SLC6A16: variants seen among roughly 807,000 people sequenced by gnomAD.
The protein encoded by SLC6A16 is orphan sodium- and chloride-dependent neurotransmitter transporter NTT5.
Under a neutral mutation model 65.4 loss-of-function variants are expected in SLC6A16, and 54 were observed. That is an observed-to-expected ratio of 0.83 (90% confidence interval 0.66 to 1.04). The LOEUF is 1.04. Among genes scored for constraint, SLC6A16 ranks in the 50% least tolerant of loss-of-function variants. The pLI, the probability that SLC6A16 is intolerant of heterozygous loss-of-function variation, is 0.00. For missense variants in SLC6A16, 816 were observed against 914.0 expected (o/e 0.89, Z 1.38); for synonymous variants, 330 against 346.5 (o/e 0.95, Z 0.53).
chr19:49,330,390 G>A, the SLC6A16 span, among the ~76,000 whole-genome samples: 14 of 152,174 alleles, frequency 9.2e-5, no homozygotes, highest in Non-Finnish European at 2.1e-4. Context: ...CAGTATTGTA[G>A]ATTGCGATGA....
At chr19:49,312,359 C>G (rs1381817347) in intron 1 of SLC6A16, among the ~76,000 whole-genome samples, 1 of 152,154 alleles carries the variant, frequency 6.6e-6, no homozygotes, top group African/African-American at 2.4e-5. Flanking sequence ...GATGCCTTCC[C>G]TGTCCACCTA....
At chr19:49,323,459 T>A (rs1483278524) in intron 1 of SLC6A16, among the ~76,000 whole-genome samples, 1 of 152,140 alleles carries the variant, frequency 6.6e-6, no homozygotes, top group Non-Finnish European at 1.5e-5. Context: ...GAAAATCATA[T>A]GTATAATAAG....
the SLC6A16 span, among the ~76,000 whole-genome samples, chr19:49,331,439 C>A: frequency 6.6e-6 from 1 of 152,146 alleles, no homozygotes. Context: ...GCCTCAGCCT[C>A]CCAAAGTGCT....
the SLC6A16 span, chr19:49,335,713 G>A: frequency 1.2e-6 from 2 of 1,613,914 alleles, no homozygotes; most frequent in Non-Finnish European, 1.7e-6. This position sits in a 1 kb window ranked among gnomAD's most constrained non-coding sequence, Gnocchi z 4.6. Context: ...CCTCTCCCCA[G>A]GTCCTCGGCA....
At chr19:49,307,173 C>T (rs749714968) in intron 7 of SLC6A16, among the ~76,000 whole-genome samples, 2 of 150,260 alleles carry the variant, frequency 1.3e-5, no homozygotes, top group Non-Finnish European at 2.9e-5. Flanking sequence ...CCACTGCTCC[C>T]GGCCTTGTTT....
At chr19:49,340,323 C>A in the SLC6A16 span, 8 of 1,611,072 alleles carry the variant, frequency 5.0e-6, no homozygotes, top group Non-Finnish European at 5.9e-6. Flanking sequence ...CGCTCGATAC[C>A]GTTAGGCCCC....
At chr19:49,331,440 C>G in the SLC6A16 span, among the ~76,000 whole-genome samples, 1 of 152,128 alleles carries the variant, frequency 6.6e-6, no homozygotes, top group Non-Finnish European at 1.5e-5. Context: ...CCTCAGCCTC[C>G]CAAAGTGCTG....
In SLC6A16 at chr19:49,311,245, T is replaced by C. The variant is rs777184793; in HGVS notation, c.103A>G (p.Lys35Glu). The C allele has an allele frequency of 1.2e-6, 2 of 1,614,100 alleles. No individual in the cohort carries two copies. Among genetic ancestry groups the C allele is most frequent in the Non-Finnish European group, 1.7e-6 (2 of 1,180,008 alleles). ...SVPGSQTWED[K>E]GSLTRSATSW... ...GTTGCAGACCGGGTCAATGAACCCT[T>C]GTCTTCCCACGTTTGACTTCCTGGG... is the stretch of plus-strand genomic sequence containing the variant. The change falls in exon 2 of 12, where the codon AAG becomes GAG. Residue 35 changes from lysine (K) to glutamate (E), a missense_variant. By Grantham distance (56) the Lys-to-Glu change is moderately conservative (BLOSUM62 1). Coordinates refer to ENST00000335875, the MANE Select transcript of SLC6A16 (RefSeq NM_014037.3).
upstream of SLC6A16, among the ~76,000 whole-genome samples, chr19:49,329,989 C>T (rs1033816461): frequency 8.6e-5 from 13 of 151,812 alleles, no homozygotes; most frequent in African/African-American, 3.1e-4. Context: ...TGTGGTGGCA[C>T]GCATCTGTTG....
chr19:49,299,577 T>C (rs1179765010), intron 7 of SLC6A16, among the ~76,000 whole-genome samples: 5 of 96,206 alleles, frequency 5.2e-5, no homozygotes, highest in Non-Finnish European at 1.1e-4. Flanking sequence ...AGCTGAAAGA[T>C]AGTAGGCTAT....
chr19:49,309,991 T>C (rs1272051088), intron 4 of SLC6A16, 49 bp downstream of exon 4: 8 of 1,592,902 alleles, frequency 5.0e-6, no homozygotes, highest in South Asian at 1.1e-5. Context: ...TCCCTTCTAC[T>C]TCTACTTCTC....
the SLC6A16 span, chr19:49,335,797 C>A: frequency 4.9e-6 from 7 of 1,417,678 alleles, no homozygotes; most frequent in Non-Finnish European, 7.0e-6. The surrounding 1 kb of genome is among the most constrained non-coding windows in gnomAD (Gnocchi z 4.6). Context: ...GTGAGGGGGG[C>A]TGGGGCAGGT....
intron 7 of SLC6A16, among the ~76,000 whole-genome samples, chr19:49,305,263 C>T (rs1970361656): frequency 6.6e-6 from 1 of 152,190 alleles, no homozygotes; most frequent in Non-Finnish European, 1.5e-5. Flanking sequence ...CAACTGACTA[C>T]AAACAGGAGT....
chr19:49,320,170 A>AG (rs1216385689), intron 1 of SLC6A16, among the ~76,000 whole-genome samples: 1 of 152,162 alleles, frequency 6.6e-6, no homozygotes, highest in Non-Finnish European at 1.5e-5. Flanking sequence ...GCACTTTGGG[A>AG]GGCTGAGGTG....
In SLC6A16 at chr19:49,292,917, G is replaced by C. The variant is rs371900664; in HGVS notation, c.1778+306C>G. Among the ~76,000 whole-genome samples, 1 of 152,176 alleles carries C rather than the reference G, an allele frequency of 6.6e-6. No homozygotes were observed. Among genetic ancestry groups the C allele is most frequent in the African/African-American group, 2.4e-5 (1 of 41,524 alleles). The stretch of plus-strand genomic sequence containing the variant: ...CCTATCGCCTGTATTTATTCTCAAC[G>C]TTTTTATTCTTTATTTGCTAATCTG... On this transcript the variant is annotated intron_variant, in intron 10 of 11. Coordinates refer to ENST00000335875, the MANE Select transcript of SLC6A16 (RefSeq NM_014037.3). The surrounding 1 kb of genome is among the most constrained non-coding windows in gnomAD (Gnocchi z 4.3).
intron 7 of SLC6A16, among the ~76,000 whole-genome samples, chr19:49,295,504 T>C (rs1391183937): frequency 6.6e-6 from 1 of 152,198 alleles, no homozygotes; most frequent in Non-Finnish European, 1.5e-5. Flanking sequence ...AAATACTATA[T>C]GCTATTCCAG....
intron 10 of SLC6A16, 91 bp from the exon 11 acceptor site, chr19:49,290,858 T>C (rs977983696): frequency 3.9e-5 from 40 of 1,019,012 alleles, no homozygotes; most frequent in Non-Finnish European, 5.6e-5. Flanking sequence ...TTTCAAACAT[T>C]CTATTGTATC....
At chr19:49,295,980 G>C (rs914821754) in intron 7 of SLC6A16, among the ~76,000 whole-genome samples, 2 of 152,008 alleles carry the variant, frequency 1.3e-5, no homozygotes, top group Non-Finnish European at 2.9e-5. Flanking sequence ...ACCATAGCAG[G>C]CTTTTTATTT....
At chr19:49,308,065 C>T (rs1568532420) in intron 7 of SLC6A16, among the ~76,000 whole-genome samples, 1 of 151,118 alleles carries the variant, frequency 6.6e-6, no homozygotes, top group Non-Finnish European at 1.5e-5. Flanking sequence ...AAATAAGAAA[C>T]AGGGGTGATC....
Sources: allele counts gnomAD v4.1 joint callset (sites outside exome capture counted in the v4.1 genomes callset), GRCh38; gene constraint gnomAD v4.1.1; non-coding constraint Gnocchi (gnomAD v3.1); transcripts MANE v1.5; gene names NCBI Gene and HGNC (gene_info 2026-07-23, HGNC 2026-07-21).